DIAPH1: variants seen among roughly 807,000 people sequenced by gnomAD.
DIAPH1 encodes diaphanous related formin 1.
Under a neutral mutation model 140.7 loss-of-function variants are expected in DIAPH1, and 46 were observed. That is an observed-to-expected ratio of 0.33 (90% CI 0.26 to 0.42). The LOEUF is 0.42. DIAPH1 is among the 10% of genes least tolerant of loss of function. DIAPH1 has a pLI of 1.00. For synonymous variants in DIAPH1, 565 were observed against 551.6 expected (o/e 1.02, Z -0.34); for missense variants, 1,310 against 1,558.7 (o/e 0.84, Z 2.69).
chr5:141,589,038 G>A (rs914566845), intron 1 of DIAPH1: 6 of 159,856 alleles, frequency 3.8e-5, no homozygotes, highest in African/African-American at 1.4e-4. Flanking sequence ...GATAAGAAAG[G>A]AATTCCTCCT....
At chr5:141,577,657 T>C (rs764221263) in intron 11 of DIAPH1, 66 bp from the exon 12 acceptor site, 31 of 1,050,574 alleles carry the variant, frequency 3.0e-5, no homozygotes, top group Non-Finnish European at 4.5e-5. Flanking sequence ...GTGGCTTATT[T>C]AACTCTTGAA....
chr5:141,560,583 A>ATAT (rs1252658976), intron 18 of DIAPH1: 1 of 168,292 alleles, frequency 5.9e-6, no homozygotes, highest in East Asian at 1.7e-4. Context: ...CTGACATTAA[A>ATAT]TAGGTATTCA....
At chr5:141,569,686 C>T (rs562512047) in intron 18 of DIAPH1, among the ~76,000 whole-genome samples, 12 of 151,954 alleles carry the variant, frequency 7.9e-5, no homozygotes, top group Admixed American at 4.6e-4. Flanking sequence ...CCCTTGAACC[C>T]GGGAGGCGAA....
At chr5:141,610,457 C>T (rs1016096971) in intron 1 of DIAPH1, among the ~76,000 whole-genome samples, 2 of 152,042 alleles carry the variant, frequency 1.3e-5, no homozygotes, top group African/African-American at 2.4e-5. Context: ...CGCACCACCA[C>T]GCCCAGCTAA....
At chr5:141,608,713 G>A (rs2099901333) in intron 1 of DIAPH1, among the ~76,000 whole-genome samples, 1 of 152,142 alleles carries the variant, frequency 6.6e-6, no homozygotes, top group African/African-American at 2.4e-5. Context: ...ATTAACCACT[G>A]GCAAATAACT....
At chr5:141,517,704 G>A (rs1056568888) in intron 27 of DIAPH1, among the ~76,000 whole-genome samples, 28 of 152,244 alleles carry the variant, frequency 1.8e-4, no homozygotes, top group African/African-American at 6.7e-4. Context: ...TAAAAACTAT[G>A]CCAGGGAAGC....
At position 141,534,414 on chromosome 5, in the gene DIAPH1, A is replaced by G. The variant is rs2099888712; in HGVS notation, c.2502T>C (p.Gly834=). ...TTTGCACAGATTTCTTTTCTTCTCC[A>G]CCTTCTTGATCCTTCTTGGCTAGCA... ...KTSKAKKDQE[G]GEEKKSVQKK... The change falls in exon 19 of 28, where the codon GGT becomes GGC. Residue 834 remains glycine (G), a synonymous_variant. Transcript: ENST00000389054. 6.2e-7 allele frequency: 1 copy of G among 1,613,588 alleles called. No individual in the cohort carries two copies. Among genetic ancestry groups the G allele is most frequent in the African/African-American group, 1.3e-5 (1 of 75,006 alleles).
At chr5:141,531,930 A>G (rs186698038) in intron 19 of DIAPH1, among the ~76,000 whole-genome samples, 15 of 152,316 alleles carry the variant, frequency 9.8e-5, no homozygotes, top group East Asian at 1.9e-4. Flanking sequence ...TCCAGCCTCA[A>G]AATCACTGCC....
chr5:141,611,856 T>C (rs1244246728), intron 1 of DIAPH1, among the ~76,000 whole-genome samples: 1 of 152,056 alleles, frequency 6.6e-6, no homozygotes, highest in Non-Finnish European at 1.5e-5. Flanking sequence ...CACCTGAAGT[T>C]AGGAGTTCAA....
intron 26 of DIAPH1, 124 bp downstream of exon 26, chr5:141,525,914 G>A: frequency 6.7e-7 from 1 of 1,500,142 alleles, no homozygotes; most frequent in African/African-American, 1.4e-5. Flanking sequence ...ATCTCGGAGT[G>A]AAGACTGCCA....
At chr5:141,595,126 A>G (rs1335559291) in intron 1 of DIAPH1, among the ~76,000 whole-genome samples, 1 of 152,090 alleles carries the variant, frequency 6.6e-6, no homozygotes, top group Non-Finnish European at 1.5e-5. Flanking sequence ...AGGCAAAACT[A>G]TGGAAAAAGT....
chr5:141,603,252 A>G (rs1308972571), intron 1 of DIAPH1, among the ~76,000 whole-genome samples: 2 of 152,206 alleles, frequency 1.3e-5, no homozygotes, highest in African/African-American at 2.4e-5. Context: ...CCCCACAGCT[A>G]AACTAAGCAC....
chr5:141,545,554 G>C (rs865814787), intron 18 of DIAPH1, among the ~76,000 whole-genome samples: 1 of 152,134 alleles, frequency 6.6e-6, no homozygotes, highest in African/African-American at 2.4e-5. Flanking sequence ...TGAGGTAGGA[G>C]GATCCCCTGA....
intron 18 of DIAPH1, among the ~76,000 whole-genome samples, chr5:141,542,463 T>C (rs2099890147): frequency 6.6e-6 from 1 of 151,366 alleles, no homozygotes; most frequent in African/African-American, 2.4e-5. Context: ...ATTGTCTGTC[T>C]GTCAATTAAT....
chr5:141,617,092 G>C (rs1015290076), intron 1 of DIAPH1, among the ~76,000 whole-genome samples: 3 of 152,092 alleles, frequency 2.0e-5, no homozygotes, highest in African/African-American at 7.2e-5. Flanking sequence ...CTGGAATTTG[G>C]GTGAGGAAGG....
intron 18 of DIAPH1, among the ~76,000 whole-genome samples, chr5:141,552,939 G>C (rs974746593): frequency 1.3e-5 from 2 of 152,214 alleles, no homozygotes; most frequent in Admixed American, 6.5e-5. Flanking sequence ...AAGCTACTCA[G>C]TCTGTGGCAC....
chr5:141,610,750 T>C (rs1465565268), intron 1 of DIAPH1, among the ~76,000 whole-genome samples: 2 of 151,788 alleles, frequency 1.3e-5, no homozygotes, highest in East Asian at 3.9e-4. Flanking sequence ...GTACCCCGCC[T>C]AGCGAGACGT....
Position 141,605,237 on chromosome 5 carries a change from G to A in DIAPH1, c.117+13561C>T, listed in dbSNP as rs573309313. ...TTAAGGTGGCAATTTTCAAAGATTAGAAAGCTGGAAAATTTTTATGACACT... is the reference window on the plus strand; with the variant it reads ...TTAAGGTGGCAATTTTCAAAGATTAAAAAGCTGGAAAATTTTTATGACACT... On this transcript the variant is annotated intron_variant, in intron 1 of 27. Transcript: ENST00000389054. Among the ~76,000 whole-genome samples, 3 of 152,128 alleles carry A rather than the reference G, an allele frequency of 2.0e-5. No homozygotes were observed. The South Asian group carries it at 6.2e-4, about 32-fold the overall frequency.
chr5:141,554,149 T>C (rs1478692628), intron 18 of DIAPH1, among the ~76,000 whole-genome samples: 1 of 151,952 alleles, frequency 6.6e-6, no homozygotes, highest in Non-Finnish European at 1.5e-5. Context: ...TGGTAGTGCA[T>C]GCTTGTAATC....
Sources: allele counts gnomAD v4.1 joint callset (sites outside exome capture counted in the v4.1 genomes callset), GRCh38; gene constraint gnomAD v4.1.1; transcripts MANE v1.5; gene names NCBI Gene and HGNC (gene_info 2026-07-23, HGNC 2026-07-21).